The following ACAP2 variants were observed in gnomAD, a reference collection of about 807,000 sequenced individuals.
ACAP2 encodes the protein arf-GAP with coiled-coil, ANK repeat and PH domain-containing protein 2.
A neutral mutation model predicts 115.8 loss-of-function variants in ACAP2; 39 were observed. The ratio of observed to expected loss-of-function variants is 0.34; its 90% CI spans 0.26 to 0.44. The LOEUF is 0.44. Among genes scored for constraint, ACAP2 ranks in the 20% least tolerant of loss-of-function variants. The pLI, the probability that ACAP2 is intolerant of heterozygous loss-of-function variation, is 1.00. For synonymous variants in ACAP2, 289 were observed against 315.8 expected, an observed-to-expected ratio of 0.92 and a Z score of 0.90; for missense variants, 662 against 927.6, an observed-to-expected ratio of 0.71 and a Z score of 3.72.
chr3:195,325,476 C>T (rs1456202804), intron 9 of ACAP2: 1 of 403,822 alleles, frequency 2.5e-6, no homozygotes, highest in Admixed American at 3.1e-5. Flanking sequence ...CATTTAGGGG[C>T]AGAAAAGAGG....
chr3:195,332,284 A>G (rs1255819714), intron 8 of ACAP2, among the ~76,000 whole-genome samples: 20 of 152,220 alleles, frequency 1.3e-4, no homozygotes, highest in Admixed American at 1.3e-3. Context: ...GGAAATAAAA[A>G]AGAGCTATAA....
At chr3:195,349,014 T>C (rs575426311) in intron 4 of ACAP2, among the ~76,000 whole-genome samples, 1 of 152,134 alleles carries the variant, frequency 6.6e-6, no homozygotes, top group African/African-American at 2.4e-5. Context: ...AATATAAAAT[T>C]GTCTTTATCC....
intron 4 of ACAP2, among the ~76,000 whole-genome samples, chr3:195,372,957 C>T (rs1476725973): frequency 7.9e-6 from 1 of 126,560 alleles, no homozygotes; most frequent in Non-Finnish European, 1.6e-5. Flanking sequence ...CACTGCACTC[C>T]AGCCTGGGCG....
rs1455135630 is a variant in ACAP2, at chr3:195,306,353, AAAC to A, written c.1116+155_1116+157del. On this transcript the variant is annotated intron_variant, in intron 13 of 22. Transcript: ENST00000326793. ...AATGGTAAGTGAAATAAAGAGAAAT[AAAC>A]AAAAAAGAAATTAAATCCAGATTTT... is the stretch of plus-strand genomic sequence containing the variant. 5.3e-5 allele frequency among the ~76,000 whole-genome samples: 8 copies of A among 152,224 alleles called. No individual in the cohort carries two copies. In the East Asian group the frequency reaches 1.5e-3, roughly 29 times the overall value.
intron 4 of ACAP2, among the ~76,000 whole-genome samples, chr3:195,372,508 C>CAGTG (rs1379298355): frequency 9.2e-5 from 14 of 152,262 alleles, no homozygotes; most frequent in Admixed American, 9.2e-4. Context: ...CTGGGCAACA[C>CAGTG]AGTGAGACTC....
intron 2 of ACAP2, among the ~76,000 whole-genome samples, chr3:195,389,620 G>C (rs1167283154): frequency 6.6e-6 from 1 of 151,900 alleles, no homozygotes; most frequent in Non-Finnish European, 1.5e-5. Flanking sequence ...TCTACTTTGA[G>C]AATTTAAAAT....
intron 4 of ACAP2, among the ~76,000 whole-genome samples, chr3:195,364,659 C>T (rs1027526572): frequency 6.6e-6 from 1 of 152,068 alleles, no homozygotes; most frequent in Non-Finnish European, 1.5e-5. Context: ...GAAAAGAATA[C>T]CCTTGTACAC....
At chr3:195,367,871 C>G (rs1434049302) in intron 4 of ACAP2, among the ~76,000 whole-genome samples, 1 of 152,186 alleles carries the variant, frequency 6.6e-6, no homozygotes, top group African/African-American at 2.4e-5. Flanking sequence ...AATCCTTCAG[C>G]CACAGTCAAG....
At chr3:195,405,553 G>A (rs935461370) in intron 1 of ACAP2, among the ~76,000 whole-genome samples, 3 of 151,990 alleles carry the variant, frequency 2.0e-5, no homozygotes, top group Non-Finnish European at 4.4e-5. Context: ...GGGTGTGGTG[G>A]CGCACACCTG....
intron 16 of ACAP2, 95 bp downstream of exon 16, chr3:195,297,094 TA>T: frequency 1.8e-6 from 2 of 1,096,278 alleles, no homozygotes; most frequent in Non-Finnish European, 1.4e-6. Context: ...TGACTGCTTC[TA>T]AACACTTTGT....
At chr3:195,390,702 C>T (rs1417939459) in intron 2 of ACAP2, among the ~76,000 whole-genome samples, 1 of 152,114 alleles carries the variant, frequency 6.6e-6, no homozygotes, top group African/African-American at 2.4e-5. Flanking sequence ...GGGAAGATCC[C>T]CCAGGGGTTC....
At chr3:195,292,583 C>T in intron 18 of ACAP2, 131 bp from the exon 19 acceptor site, 1 of 820,950 alleles carries the variant, frequency 1.2e-6, no homozygotes, top group African/African-American at 1.7e-5. Flanking sequence ...AAAGATAGCA[C>T]ACTAATGGGA....
rs944081195 is a variant in ACAP2, at chr3:195,381,798, T to G, written c.231+105A>C. On this transcript the variant is annotated intron_variant, in intron 3 of 22. Coordinates refer to ENST00000326793, the MANE Select transcript of ACAP2 (RefSeq NM_012287.6). Reference sequence around the variant, plus strand: ...GGGGTGACCACTTTTCTACTTCTAATTTTAAGTATCACCATAACTATAAAT... The same window carrying G: ...GGGGTGACCACTTTTCTACTTCTAAGTTTAAGTATCACCATAACTATAAAT... 1.8e-5 allele frequency: 24 copies of G among 1,346,480 alleles called. No individual in the cohort carries two copies. The African/African-American group carries it at 2.9e-4, about 17-fold the overall frequency. 83.4% of individuals were successfully genotyped at this position (1,346,480 alleles called of 1,614,324 possible).
In ACAP2 at chr3:195,382,918, G is replaced by GGGGACC. The variant is rs1734044899; in HGVS notation, c.112-902_112-897dup. Among the ~76,000 whole-genome samples, 4 of 151,988 alleles carry GGGGACC rather than the reference G, an allele frequency of 2.6e-5. No individual in the cohort carries two copies. In the South Asian group the frequency reaches 8.3e-4, roughly 32 times the overall value. ...AGGAAGACCATCTAACGAGGGCTGT[G>GGGGACC]GGGACCAGGGAAGGATTCCTAGAAA... On this transcript the variant is annotated intron_variant, in intron 2 of 22. Transcript: ENST00000326793.
At chr3:195,405,048 C>G (rs537958961) in intron 1 of ACAP2, among the ~76,000 whole-genome samples, 1 of 152,008 alleles carries the variant, frequency 6.6e-6, no homozygotes, top group Non-Finnish European at 1.5e-5. Flanking sequence ...GATCCGCCCG[C>G]CCCAGCCTCC....
chr3:195,439,390 G>T (rs1715834480), intron 1 of ACAP2, among the ~76,000 whole-genome samples: 2 of 151,874 alleles, frequency 1.3e-5, no homozygotes, highest in African/African-American at 2.4e-5. Flanking sequence ...TGTTGCCCAG[G>T]CTGGTCTCAA....
In ACAP2 at chr3:195,279,088, T is replaced by G. The variant is rs1421515141; in HGVS notation, c.*240A>C. 9.1e-6 allele frequency: 3 copies of G among 329,376 alleles called. No individual in the cohort carries two copies. Among genetic ancestry groups the G allele is most frequent in the African/African-American group, 4.3e-5 (2 of 45,994 alleles). The allele number at this position is 329,376 out of a possible 1,614,324, so 20.4% of individuals were successfully genotyped here. ...ATGGCCTAAATCTAGACTGAACTTCTGTCTACAGAAATAGCCCTTTAAATA... is the reference window on the plus strand; with the variant it reads ...ATGGCCTAAATCTAGACTGAACTTCGGTCTACAGAAATAGCCCTTTAAATA... On this transcript the variant is annotated 3_prime_UTR_variant, in exon 23 of 23. Transcript: ENST00000326793.
intron 6 of ACAP2, 33 bp from the exon 7 acceptor site, chr3:195,337,009 G>A (rs774480798): frequency 2.5e-6 from 4 of 1,584,786 alleles, no homozygotes; most frequent in Non-Finnish European, 3.4e-6. Flanking sequence ...AATCACCCAT[G>A]CATTATTTTA....
intron 1 of ACAP2, among the ~76,000 whole-genome samples, chr3:195,392,500 C>T (rs897273957): frequency 4.6e-5 from 7 of 152,202 alleles, no homozygotes; most frequent in African/African-American, 1.7e-4. Flanking sequence ...TAACAAAACA[C>T]ATGCAACCAA....
Sources: gnomAD v4.1 joint callset for allele counts (sites outside exome capture counted in the v4.1 genomes callset) on GRCh38, gnomAD v4.1.1 for gene constraint, MANE v1.5 for transcripts, NCBI Gene and HGNC (gene_info 2026-07-23, HGNC 2026-07-21) for gene names.